The following SHPRH variants were observed in gnomAD, a reference collection of about 807,000 sequenced individuals.
SHPRH encodes the protein E3 ubiquitin-protein ligase SHPRH.
Under a neutral mutation model 202.5 loss-of-function variants are expected in SHPRH, and 106 were observed. That is an observed-to-expected ratio of 0.52 (90% CI 0.45 to 0.62). The LOEUF is 0.62. Among genes scored for constraint, SHPRH ranks in the 20% least tolerant of loss-of-function variants. The pLI, the probability that SHPRH is intolerant of heterozygous loss-of-function variation, is 0.00. For synonymous variants in SHPRH, 729 were observed against 686.0 expected (o/e 1.06, Z -0.98); for missense variants, 1,710 against 2,020.0 (o/e 0.85, Z 2.94).
At chr6:145,935,475 C>T (rs1414927809) in intron 11 of SHPRH, 34 bp from the exon 12 acceptor site, 3 of 1,603,518 alleles carry the variant, frequency 1.9e-6, no homozygotes, top group Non-Finnish European at 2.6e-6. Flanking sequence ...TTGAGGATAA[C>T]TCTATTACTT....
chr6:145,916,925 C>T (rs1417340889), intron 23 of SHPRH, among the ~76,000 whole-genome samples: 2 of 151,850 alleles, frequency 1.3e-5, no homozygotes, highest in Admixed American at 6.6e-5. Context: ...GGATTACAGG[C>T]GTGTGCTACC....
intron 2 of SHPRH, chr6:145,877,538 TC>T (rs1780357183): frequency 6.6e-6 from 1 of 152,236 alleles, no homozygotes; most frequent in Non-Finnish European, 1.5e-5. Flanking sequence ...ATAATATATT[TC>T]CTTGCCATGC....
At chr6:145,900,818 A>G (rs974812097) in intron 25 of SHPRH, among the ~76,000 whole-genome samples, 21 of 152,140 alleles carry the variant, frequency 1.4e-4, no homozygotes, top group African/African-American at 5.1e-4. Flanking sequence ...TCTTTTAAAA[A>G]TTTGTGTTTT....
At chr6:145,943,948 G>A in intron 8 of SHPRH, 146 bp from the exon 9 acceptor site, 1 of 743,254 alleles carries the variant, frequency 1.3e-6, no homozygotes, top group Non-Finnish European at 2.1e-6. Flanking sequence ...CTGATAAGTG[G>A]CTTCCAATCT....
chr6:145,917,435 T>C (rs1233976493), intron 23 of SHPRH: 1 of 152,120 alleles, frequency 6.6e-6, no homozygotes, highest in Non-Finnish European at 1.5e-5. Flanking sequence ...ATAATGAATG[T>C]CTAACTTTTC....
intron 2 of SHPRH, 85 bp from the exon 3 acceptor site, chr6:145,952,563 C>T (rs1054086602): frequency 7.7e-7 from 1 of 1,301,922 alleles, no homozygotes; most frequent in African/African-American, 1.5e-5. Flanking sequence ...AAATTAGCAT[C>T]ACTACTTTTA....
chr6:145,894,345 T>TAAAACC (rs1020342886), intron 26 of SHPRH, 109 bp from the exon 27 acceptor site: 19 of 725,454 alleles, frequency 2.6e-5, no homozygotes, highest in Non-Finnish European at 3.2e-5. Context: ...GTTAAGAAAA[T>TAAAACC]AAAACCAAAA....
chr6:145,903,122 G>C (rs1782644744), intron 25 of SHPRH: 1 of 151,600 alleles, frequency 6.6e-6, no homozygotes, highest in African/African-American at 2.4e-5. Flanking sequence ...AAATTTACCA[G>C]TTAATGTTCA....
intron 2 of SHPRH, among the ~76,000 whole-genome samples, chr6:145,864,943 T>TCACACACACACACA (rs71552940): frequency 1.2e-4 from 12 of 102,704 alleles, no homozygotes; most frequent in African/African-American, 3.8e-4. Context: ...ACACACACAC[T>TCACACACACACACA]CACACACACA....
intron 2 of SHPRH, among the ~76,000 whole-genome samples, chr6:145,867,631 TAGAGAGAGAGAG>T (rs748613165): frequency 1.4e-3 from 32 of 22,304 alleles, no homozygotes; most frequent in South Asian, 4.1e-3. Context: ...TATATATATA[TAGAGAGAGAGAG>T]AGAGAGAGAG....
intron 24 of SHPRH, among the ~76,000 whole-genome samples, chr6:145,912,292 TG>T (rs1783565308): frequency 6.6e-6 from 1 of 152,062 alleles, no homozygotes; most frequent in Admixed American, 6.6e-5. Context: ...TACTATATAT[TG>T]TAAGTATGAA....
chr6:145,918,113 A>G lies in SHPRH; in HGVS notation c.4254+18T>C. 1 of 1,580,834 alleles carries G rather than the reference A, an allele frequency of 6.3e-7. No homozygotes were observed. The highest frequency in any genetic ancestry group is 1.2e-5 in the South Asian group (1 of 86,484). On this transcript the variant is annotated intron_variant, in intron 23 of 29. Coordinates refer to ENST00000275233, the MANE Select transcript of SHPRH (RefSeq NM_001042683.3). Reference sequence around the variant, plus strand: ...ATAATGCAGCATAGGAAAAAGTAGCATGTCTTAGAAACAATACCTTCTCCA... The same window carrying G: ...ATAATGCAGCATAGGAAAAAGTAGCGTGTCTTAGAAACAATACCTTCTCCA...
rs114971989 is a variant in SHPRH, at chr6:145,891,115, A to C, written c.4874+2100T>G. On this transcript the variant is annotated intron_variant, in intron 28 of 29. Transcript: ENST00000275233. ...GCCAAGCCTCTGTTCAAAGCCTTCC[A>C]ATGGCTCCCGATTTCACACAGGGCA... Among the ~76,000 whole-genome samples the C allele has an allele frequency of 5.2e-3, 798 of 152,214 alleles. 4 individuals carry two copies. The highest frequency in any genetic ancestry group is 0.018 in the African/African-American group (763 of 41,542).
At position 145,955,246 on chromosome 6, in the gene SHPRH, T is replaced by C. The variant is rs764667193; in HGVS notation, c.77A>G (p.His26Arg). 5.6e-6 allele frequency: 9 copies of C among 1,613,158 alleles called. No individual in the cohort carries two copies. Among genetic ancestry groups the C allele is most frequent in the Non-Finnish European group, 7.6e-6 (9 of 1,179,890 alleles). ...GATAGGTTCATTCCTTCTGTCCTCA[T>C]GCATATTCCAATGAAGCTGCTGCCT... The part of the protein sequence containing the change: ...EKRQQLHWNM[H>R]EDRRNEPIII... Residue 26 changes from histidine to arginine, a missense_variant, in exon 2 of 30, where the codon CAT (histidine) becomes CGT (arginine). This residue lies in a region of SHPRH where 459 missense variants were observed against 426.5 expected (regional missense o/e 1.08). Transcript: ENST00000275233.
At chr6:145,927,841 T>C (rs547458147) in intron 14 of SHPRH, among the ~76,000 whole-genome samples, 2 of 152,092 alleles carry the variant, frequency 1.3e-5, no homozygotes, top group East Asian at 3.9e-4. Context: ...ATCTCCCTCT[T>C]CTTCTGGTCA....
At position 145,894,920 on chromosome 6, in the gene SHPRH, T is replaced by C; in HGVS notation, c.4573A>G (p.Arg1525Gly). ...ACGAGTGCTTTGGCCCCTGGATCTC[T>C]AAGCTGTATTTTCATCAGAGTTCTG... is the stretch of plus-strand genomic sequence containing the variant. ...VVRTLMKIQL[R>G]DPGAKALVFS... Residue 1525 changes from arginine (R) to glycine (G), a missense_variant, in exon 26 of 30, where the codon AGA becomes GGA. This residue lies in a region of SHPRH where 306 missense variants were observed against 479.5 expected (regional missense o/e 0.64). Transcript: ENST00000275233. 1.9e-6 allele frequency: 3 copies of C among 1,613,128 alleles called. No individual in the cohort carries two copies. Among genetic ancestry groups the C allele is most frequent in the African/African-American group, 1.3e-5 (1 of 74,996 alleles).
intron 14 of SHPRH, among the ~76,000 whole-genome samples, chr6:145,930,766 C>T (rs1304701632): frequency 6.6e-6 from 1 of 152,156 alleles, no homozygotes; most frequent in Admixed American, 6.5e-5. Flanking sequence ...TGTATGCCCT[C>T]ACTTATTTTT....
Position 145,885,718 on chromosome 6 carries a change from T to G in SHPRH, c.*973A>C, listed in dbSNP as rs1480878019. On this transcript the variant is annotated 3_prime_UTR_variant, in exon 30 of 30. Transcript: ENST00000275233. The stretch of plus-strand genomic sequence containing the variant: ...TTCTCTTGTTCAAAAGGTCAAAGAC[T>G]CGTGCTTAAGGGAGGAACAACTGGA... The G allele has an allele frequency of 6.6e-6, 1 of 152,142 alleles. No homozygotes were observed. The allele number at this position is 152,142 out of a possible 1,614,324, so 9.4% of individuals were successfully genotyped here. A position where few individuals can be genotyped will look rare whatever the true frequency, so the allele number is the denominator to read the frequency against.
At position 145,934,891 on chromosome 6, in the gene SHPRH, A is replaced by G. The variant is rs772999681; in HGVS notation, c.2990+16T>C. The G allele has an allele frequency of 6.3e-7, 1 of 1,580,792 alleles. No individual in the cohort carries two copies. The highest frequency in any genetic ancestry group is 1.1e-5 in the South Asian group (1 of 87,100). The stretch of plus-strand genomic sequence containing the variant: ...TGATATACCAACTGCAATTAAAAAA[A>G]AGTTGATAATAAAACCTTTTTTGGA... On this transcript the variant is annotated intron_variant, in intron 13 of 29. Transcript: ENST00000275233.
Sources: allele counts gnomAD v4.1 joint callset (sites outside exome capture counted in the v4.1 genomes callset), GRCh38; gene constraint gnomAD v4.1.1; regional missense constraint gnomAD v4.1.1; transcripts MANE v1.5; gene names NCBI Gene and HGNC (gene_info 2026-07-23, HGNC 2026-07-21).